The following RALGPS2 variants were observed in gnomAD, a reference collection of about 807,000 sequenced individuals.
RALGPS2 encodes ras-specific guanine nucleotide-releasing factor RalGPS2.
In RALGPS2, 43 loss-of-function variants were observed where a neutral mutation model predicts 86.8. The observed-to-expected ratio is 0.50, with a 90% CI of 0.39 to 0.64. The LOEUF is 0.64. Among genes scored for constraint, RALGPS2 ranks in the 30% least tolerant of loss-of-function variants. RALGPS2 has a pLI of 0.00. For missense variants in RALGPS2, 536 were observed against 694.6 expected, an observed-to-expected ratio of 0.77 and a Z score of 2.57; for synonymous variants, 243 against 231.3, an observed-to-expected ratio of 1.05 and a Z score of -0.46.
chr1:178,861,248 A>G (rs1348580798), intron 8 of RALGPS2, among the ~76,000 whole-genome samples: 3 of 152,234 alleles, frequency 2.0e-5, no homozygotes, highest in African/African-American at 2.4e-5. Flanking sequence ...ATCCACATTT[A>G]TAGAATAAAA....
chr1:178,836,261 A>T (rs1462879055), intron 8 of RALGPS2, among the ~76,000 whole-genome samples: 1 of 152,212 alleles, frequency 6.6e-6, no homozygotes, highest in Non-Finnish European at 1.5e-5. Context: ...GAGTAATCAT[A>T]CCTACGGGTT....
intron 8 of RALGPS2, among the ~76,000 whole-genome samples, chr1:178,856,420 T>TTTTTTTTTTTTTTTTTTG (rs1558152822): frequency 8.3e-6 from 1 of 120,566 alleles, no homozygotes; most frequent in Non-Finnish European, 1.7e-5. Context: ...TTTTTTTTTT[T>TTTTTTTTTTTTTTTTTTG]TTTTTTGAGA....
At chr1:178,887,396 C>G (rs899630924) in intron 13 of RALGPS2, among the ~76,000 whole-genome samples, 1 of 152,036 alleles carries the variant, frequency 6.6e-6, no homozygotes, top group Non-Finnish European at 1.5e-5. Flanking sequence ...GAGGTTGCAG[C>G]GAGCCATGTT....
intron 2 of RALGPS2, among the ~76,000 whole-genome samples, chr1:178,781,556 A>T (rs1653396630): frequency 6.6e-6 from 1 of 152,198 alleles, no homozygotes; most frequent in Admixed American, 6.5e-5. Flanking sequence ...GTATTAGGGA[A>T]GCATGTCAAA....
intron 11 of RALGPS2, among the ~76,000 whole-genome samples, chr1:178,884,007 T>C (rs1659372477): frequency 6.6e-6 from 1 of 152,070 alleles, no homozygotes; most frequent in African/African-American, 2.4e-5. Flanking sequence ...AAAATGTTGC[T>C]ATAGTTTGTC....
At chr1:178,742,129 C>T (rs1483384348) in intron 1 of RALGPS2, among the ~76,000 whole-genome samples, 3 of 122,486 alleles carry the variant, frequency 2.4e-5, no homozygotes, top group African/African-American at 6.4e-5. Flanking sequence ...AGCAAGATTC[C>T]GTCAAAAAAA....
intron 8 of RALGPS2, among the ~76,000 whole-genome samples, chr1:178,856,165 G>C (rs1657524378): frequency 7.1e-6 from 1 of 141,504 alleles, no homozygotes; most frequent in African/African-American, 2.7e-5. Flanking sequence ...TTGAAATTTT[G>C]AGAACTGTGT....
chr1:178,851,132 G>T (rs1312576947), intron 8 of RALGPS2: 5 of 1,611,372 alleles, frequency 3.1e-6, no homozygotes, highest in Non-Finnish European at 4.2e-6. Context: ...TCTCTCTTCA[G>T]TCAATAGGCT....
chr1:178,889,039 T>C (rs1659610645), intron 13 of RALGPS2, among the ~76,000 whole-genome samples: 1 of 151,210 alleles, frequency 6.6e-6, no homozygotes, highest in Non-Finnish European at 1.5e-5. Context: ...TTTTTGTTGG[T>C]TTTTTTTCCC....
chr1:178,831,919 TTGTTA>T (rs1349076827), intron 7 of RALGPS2, among the ~76,000 whole-genome samples: 3 of 152,178 alleles, frequency 2.0e-5, no homozygotes, highest in African/African-American at 7.2e-5. Context: ...ATGTTATAGT[TTGTTA>T]TAACAGTTCT....
At chr1:178,867,094 T>A (rs1382873634) in intron 8 of RALGPS2, among the ~76,000 whole-genome samples, 1 of 152,154 alleles carries the variant, frequency 6.6e-6, no homozygotes, top group African/African-American at 2.4e-5. Flanking sequence ...AATTTCCACA[T>A]AAGTACCTGT....
intron 8 of RALGPS2, among the ~76,000 whole-genome samples, chr1:178,834,023 A>G (rs1656150834): frequency 6.6e-6 from 1 of 152,118 alleles, no homozygotes; most frequent in African/African-American, 2.4e-5. Context: ...ACAGTTCTGT[A>G]TTTCGCATCT....
chr1:178,776,524 T>C (rs1416379179), intron 1 of RALGPS2, among the ~76,000 whole-genome samples, 158 bp from the exon 2 acceptor site: 1 of 152,216 alleles, frequency 6.6e-6, no homozygotes, highest in African/African-American at 2.4e-5. Flanking sequence ...GAAAAGAGCA[T>C]ACAAGATTGT....
intron 8 of RALGPS2, among the ~76,000 whole-genome samples, chr1:178,863,502 C>T (rs953273370): frequency 9.9e-5 from 15 of 152,140 alleles, no homozygotes; most frequent in African/African-American, 3.6e-4. Flanking sequence ...GTCATAACAT[C>T]AGAGGTATTA....
chr1:178,873,258 C>T (rs766260046), intron 8 of RALGPS2, among the ~76,000 whole-genome samples: 4 of 151,930 alleles, frequency 2.6e-5, no homozygotes, highest in Non-Finnish European at 4.4e-5. Flanking sequence ...ATTTAACTGA[C>T]AAATTAGTGT....
intron 5 of RALGPS2, among the ~76,000 whole-genome samples, chr1:178,808,546 G>C (rs1654840238): frequency 6.6e-6 from 1 of 151,606 alleles, no homozygotes; most frequent in Non-Finnish European, 1.5e-5. Flanking sequence ...GAACTTCTTG[G>C]GGTACTACTA....
rs146959284 is a variant in RALGPS2, at chr1:178,763,821, T to C, written c.-83-12861T>C. 6.0e-3 allele frequency among the ~76,000 whole-genome samples: 908 copies of C among 152,316 alleles called. 15 individuals carry two copies. Among genetic ancestry groups the C allele is most frequent in the African/African-American group, 0.021 (880 of 41,574 alleles). ...CAGTTTTGACTGAGTTTCTTTAGTA[T>C]TGATTTCTATTTTTACTACACTGTG... On this transcript the variant is annotated intron_variant, in intron 1 of 19. Transcript: ENST00000367635.
chr1:178,893,723 T>C (rs1659816982), intron 15 of RALGPS2, 196 bp from the exon 16 acceptor site: 1 of 437,162 alleles, frequency 2.3e-6, no homozygotes, highest in Non-Finnish European at 4.0e-6. Context: ...CTGCTGACTT[T>C]AATAACTTTC....
At chr1:178,892,494 T>G (rs757535785) in intron 15 of RALGPS2, among the ~76,000 whole-genome samples, 187 bp downstream of exon 15, 31 of 152,270 alleles carry the variant, frequency 2.0e-4, no homozygotes, top group South Asian at 1.9e-3. Context: ...TTCTTTCTGA[T>G]CCACAGAGCT....
Sources: allele counts gnomAD v4.1 joint callset (sites outside exome capture counted in the v4.1 genomes callset), GRCh38; gene constraint gnomAD v4.1.1; transcripts MANE v1.5; gene names NCBI Gene and HGNC (gene_info 2026-07-23, HGNC 2026-07-21).